Variants in CACNA1H observed in about 807,000 individuals in gnomAD.
The protein encoded by CACNA1H is voltage-dependent T-type calcium channel subunit alpha-1H.
A neutral mutation model predicts 192.5 loss-of-function variants in CACNA1H; 149 were observed. The observed-to-expected ratio is 0.77, with a 90% CI of 0.68 to 0.89. The LOEUF (loss-of-function observed/expected upper bound fraction) is 0.89, where lower values mean the gene tolerates loss of function less well. Among genes scored for constraint, CACNA1H ranks in the 40% least tolerant of loss-of-function variants. The probability of loss-of-function intolerance (pLI) is 0.00; values close to 1 mark genes in which losing one functional copy is unlikely to be tolerated. For missense variants in CACNA1H, 4,257 were observed against 3,423.5 expected, an observed-to-expected ratio of 1.24 and a Z score of -6.08; for synonymous variants, 2,202 against 1,475.2, an observed-to-expected ratio of 1.49 and a Z score of -11.29.
chr16:1,179,115 C>T (rs891470725), intron 2 of CACNA1H, among the ~76,000 whole-genome samples: 1 of 152,190 alleles, frequency 6.6e-6, no homozygotes, highest in Non-Finnish European at 1.5e-5. Context: ...GTTACTCAGA[C>T]CTGCCTGGGA....
intron 27 of CACNA1H, among the ~76,000 whole-genome samples, chr16:1,214,232 C>T (rs763279749): frequency 5.9e-5 from 9 of 151,914 alleles, no homozygotes; most frequent in Non-Finnish European, 1.2e-4. Context: ...TGGGGAGGGG[C>T]GGGAGCCAGG....
intron 25 of CACNA1H, 141 bp downstream of exon 25, chr16:1,212,279 G>A: frequency 2.3e-6 from 3 of 1,317,506 alleles, no homozygotes; most frequent in Middle Eastern, 2.7e-4. Flanking sequence ...ATGGGGGCTG[G>A]GCCTTGGAGG....
In CACNA1H at chr16:1,174,826, G is replaced by A. The variant is rs565389090; in HGVS notation, c.300-20146G>A. Among the ~76,000 whole-genome samples, 1,459 of 152,370 alleles carry A rather than the reference G, an allele frequency of 9.6e-3. 18 individuals are homozygous for A. Among genetic ancestry groups the A allele is most frequent in the Non-Finnish European group, 0.015 (1,009 of 68,028 alleles). On this transcript the variant is annotated intron_variant, in intron 2 of 34. Transcript: ENST00000348261. ...CGAGAGCCAGGATGGCCGAGTTGGC[G>A]TGGCCCTGGCCTCGAGGCTCCCCGG... is the stretch of plus-strand genomic sequence containing the variant.
rs1232013182 is a variant in CACNA1H, at chr16:1,210,058, A to G, written c.3768A>G (p.Lys1256=). 2.6e-6 allele frequency: 4 copies of G among 1,553,550 alleles called. No individual in the cohort carries two copies. In the Admixed American group the frequency reaches 5.8e-5, roughly 23 times the overall value. The change falls in exon 18 of 35, where the codon AAA becomes AAG. Residue 1256 remains lysine, a synonymous_variant. Transcript: ENST00000348261. ...SEDSCCLRLH[K]VLEPYKPQWC... ...AGAGCTGCTGCCTCCGCCTGCATAAAGTGCTGGAGCCCTACAAGCCCCAGT... is the reference window on the plus strand; with the variant it reads ...AGAGCTGCTGCCTCCGCCTGCATAAGGTGCTGGAGCCCTACAAGCCCCAGT...
In CACNA1H at chr16:1,215,601, G is replaced by C. The variant is rs1378057792; in HGVS notation, c.5244+8G>C. On this transcript the variant is annotated splice_region_variant and intron_variant, in intron 30 of 34. Coordinates refer to ENST00000348261, the MANE Select transcript of CACNA1H (RefSeq NM_021098.3). ...GTGCAAGCTCTCCCCCAGGTAGGTG[G>C]AGCCCGCGCCATCCTCAGCGCAGGC... is the stretch of plus-strand genomic sequence containing the variant. 1 of 1,608,414 alleles carries C rather than the reference G, an allele frequency of 6.2e-7. No individual in the cohort carries two copies. The highest frequency in any genetic ancestry group is 8.5e-7 in the Non-Finnish European group (1 of 1,178,328).
chr16:1,211,445 G>A (rs372568677), intron 22 of CACNA1H, 36 bp from the exon 23 acceptor site: 40 of 1,611,898 alleles, frequency 2.5e-5, no homozygotes, highest in African/African-American at 4.0e-5. Context: ...TGGGGCACAG[G>A]CCAGGCCCTC....
intron 2 of CACNA1H, among the ~76,000 whole-genome samples, chr16:1,190,662 C>T (rs924943798): frequency 6.6e-6 from 1 of 152,258 alleles, no homozygotes; most frequent in African/African-American, 2.4e-5. Context: ...CCCCCAGACC[C>T]TGCTATACCA....
chr16:1,177,123 T>C (rs955569474), intron 2 of CACNA1H, among the ~76,000 whole-genome samples: 1 of 152,200 alleles, frequency 6.6e-6, no homozygotes, highest in African/African-American at 2.4e-5. Context: ...GTGTCTGTCC[T>C]GGGCGGCCCT....
At position 1,198,868 on chromosome 16, in the gene CACNA1H, C is replaced by G. The variant is rs952676194; in HGVS notation, c.803+94C>G. On this transcript the variant is annotated intron_variant, in intron 6 of 34. Coordinates refer to ENST00000348261, the MANE Select transcript of CACNA1H (RefSeq NM_021098.3). ...TGTGGCTCCACCGCCCCACGTGGCT[C>G]TGCCCACCGTGCAGTCACCCGCCCC... is the stretch of plus-strand genomic sequence containing the variant. The G allele has an allele frequency of 7.8e-6, 10 of 1,279,084 alleles. No homozygotes were observed. The South Asian group carries it at 1.3e-4, about 16-fold the overall frequency. 79.2% of individuals were successfully genotyped at this position (1,279,084 alleles called of 1,614,324 possible). A position where few individuals can be genotyped will look rare whatever the true frequency, so the allele number is the denominator to read the frequency against.
At chr16:1,161,629 A>G (rs926969141) in intron 2 of CACNA1H, among the ~76,000 whole-genome samples, 1 of 152,122 alleles carries the variant, frequency 6.6e-6, no homozygotes, top group African/African-American at 2.4e-5. Flanking sequence ...TTTCCCTGTC[A>G]CACCACTTTG....
chr16:1,197,660 T>A (rs941817807), intron 5 of CACNA1H, among the ~76,000 whole-genome samples: 4 of 152,202 alleles, frequency 2.6e-5, no homozygotes, highest in African/African-American at 9.7e-5. Flanking sequence ...GCTCACTGAT[T>A]GTCTGCTCCG....
At chr16:1,189,733 G>C (rs2151802714) in intron 2 of CACNA1H, among the ~76,000 whole-genome samples, 1 of 152,220 alleles carries the variant, frequency 6.6e-6, no homozygotes, top group Non-Finnish European at 1.5e-5. Flanking sequence ...TGAGAGCACT[G>C]ATTATAGAGT....
intron 11 of CACNA1H, among the ~76,000 whole-genome samples, chr16:1,205,597 C>T (rs932344907): frequency 6.6e-6 from 1 of 152,226 alleles, no homozygotes; most frequent in Non-Finnish European, 1.5e-5. Flanking sequence ...GCGAGAAAGA[C>T]CAGCTTAAAA....
At position 1,206,257 on chromosome 16, in the gene CACNA1H, C is replaced by T. The variant is rs761572907; in HGVS notation, c.2757C>T (p.Cys919=). 54 of 1,576,932 alleles carry T rather than the reference C, an allele frequency of 3.4e-5. No individual in the cohort carries two copies. The highest frequency in any genetic ancestry group is 4.5e-5 in the Non-Finnish European group (52 of 1,162,506). ...CCATGGACAACGTGGCTACCTTCTG[C>T]ACGCTGCTCATGCTCTTCATTTTCA... ...VKTMDNVATF[C]TLLMLFIFIF... The change falls in exon 12 of 35, where the codon TGC becomes TGT. Residue 919 remains cysteine (C), a synonymous_variant. Coordinates refer to ENST00000348261, the MANE Select transcript of CACNA1H (RefSeq NM_021098.3).
Position 1,208,210 on chromosome 16 carries a change from C to A in CACNA1H, c.3352C>A (p.Gln1118Lys), listed in dbSNP as rs1215469090. The A allele has an allele frequency of 1.9e-6, 3 of 1,562,162 alleles. No individual in the cohort carries two copies. The South Asian group carries it at 3.5e-5, about 18-fold the overall frequency. Residue 1118 changes from glutamine (Q) to lysine (K), a missense_variant, in exon 16 of 35, where the codon CAG (glutamine) becomes AAG (lysine). By Grantham distance (53) the Gln-to-Lys change is moderately conservative (BLOSUM62 1). Coordinates refer to ENST00000348261, the MANE Select transcript of CACNA1H (RefSeq NM_021098.3). ...SSSGDPPLGD[Q>K]KPPASLRSSP... is the part of the protein sequence containing the mutation. ...CTCCGGGGACCCGCCACTGGGAGAC[C>A]AGAAGCCTCCGGTAGGGACCATCTC...
At chr16:1,154,401 C>T (rs1962016189) in intron 2 of CACNA1H, among the ~76,000 whole-genome samples, 1 of 152,106 alleles carries the variant, frequency 6.6e-6, no homozygotes, top group African/African-American at 2.4e-5. Flanking sequence ...TTCCCCCTTG[C>T]CCACCCCTCA....
chr16:1,195,628 C>A, intron 4 of CACNA1H, 63 bp downstream of exon 4: 1 of 1,516,306 alleles, frequency 6.6e-7, no homozygotes, highest in Non-Finnish European at 8.9e-7. Flanking sequence ...CCACAGGGAT[C>A]CCTGTGTCCC....
intron 2 of CACNA1H, among the ~76,000 whole-genome samples, chr16:1,155,806 C>T (rs570190755): frequency 6.6e-6 from 1 of 152,236 alleles, no homozygotes; most frequent in Admixed American, 6.5e-5. Flanking sequence ...AAGGTGTTGG[C>T]TGGGTGGCCT....
chr16:1,171,267 C>T (rs1964341686), intron 2 of CACNA1H, among the ~76,000 whole-genome samples: 1 of 152,150 alleles, frequency 6.6e-6, no homozygotes, highest in African/African-American at 2.4e-5. Flanking sequence ...CTCTGTGGGG[C>T]CCTCCTGGGC....
Sources: gnomAD v4.1 joint callset for allele counts (sites outside exome capture counted in the v4.1 genomes callset) on GRCh38, gnomAD v4.1.1 for gene constraint, MANE v1.5 for transcripts, NCBI Gene and HGNC (gene_info 2026-07-23, HGNC 2026-07-21) for gene names.